ANAPC16: variants seen among roughly 807,000 people sequenced by gnomAD.
ANAPC16 encodes the protein anaphase-promoting complex subunit 16.
A neutral mutation model predicts 13.1 loss-of-function variants in ANAPC16; 6 were observed. The observed-to-expected ratio is 0.46, with a 90% CI of 0.25 to 0.90. The LOEUF (loss-of-function observed/expected upper bound fraction) is 0.90, where lower values mean the gene tolerates loss of function less well. ANAPC16 is among the 40% of genes least tolerant of loss of function. The pLI, the probability that ANAPC16 is intolerant of heterozygous loss-of-function variation, is 0.18. For missense variants in ANAPC16, 113 were observed against 131.1 expected (o/e 0.86, Z 0.67); for synonymous variants, 55 against 51.3 (o/e 1.07, Z -0.31).
chr10:72,219,798 T>C (rs758867992), intron 1 of ANAPC16, among the ~76,000 whole-genome samples: 9 of 152,232 alleles, frequency 5.9e-5, no homozygotes, highest in Non-Finnish European at 1.2e-4. Flanking sequence ...AGTCTAGTTA[T>C]AATAGCTGTT....
At chr10:72,216,957 A>G (rs754516582) in intron 1 of ANAPC16, 2 of 456,046 alleles carry the variant, frequency 4.4e-6, no homozygotes, top group Admixed American at 4.7e-5. Flanking sequence ...AAAGAAAAAA[A>G]TCCATAATGA....
At chr10:72,226,309 G>A (rs1385603809) in intron 2 of ANAPC16, among the ~76,000 whole-genome samples, 3 of 151,376 alleles carry the variant, frequency 2.0e-5, no homozygotes, top group Non-Finnish European at 2.9e-5. Context: ...ATGAACCACC[G>A]CACCTGGCCT....
intron 2 of ANAPC16, 128 bp downstream of exon 2, chr10:72,224,184 C>T (rs1860042417): frequency 9.1e-7 from 1 of 1,098,798 alleles, no homozygotes; most frequent in African/African-American, 1.6e-5. Flanking sequence ...TTCTTGTCCC[C>T]ATCTCAAAAT....
intron 2 of ANAPC16, among the ~76,000 whole-genome samples, chr10:72,225,050 A>G (rs1256777942): frequency 3.3e-5 from 5 of 152,080 alleles, no homozygotes; most frequent in African/African-American, 1.2e-4. Context: ...TTGGGAGGCC[A>G]AGGCGGGTGG....
chr10:72,226,797 C>G (rs970310925), intron 2 of ANAPC16, among the ~76,000 whole-genome samples: 1 of 152,138 alleles, frequency 6.6e-6, no homozygotes, highest in African/African-American at 2.4e-5. Flanking sequence ...CGGGGGGACT[C>G]TGGGACCATA....
In ANAPC16 at chr10:72,227,034, G is replaced by A. The variant is rs374651409; in HGVS notation, c.142+2978G>A. ...TATATTATGACTTCATTTATATGCA[G>A]CAAAGACCTAGTATTAAGGAAGTTT... On this transcript the variant is annotated intron_variant, in intron 2 of 3. Transcript: ENST00000299381. Among the ~76,000 whole-genome samples, 19 of 152,274 alleles carry A rather than the reference G, an allele frequency of 1.2e-4. No individual in the cohort carries two copies. The East Asian group carries it at 1.7e-3, about 14-fold the overall frequency.
At chr10:72,226,747 G>A (rs1401621080) in intron 2 of ANAPC16, among the ~76,000 whole-genome samples, 1 of 152,026 alleles carries the variant, frequency 6.6e-6, no homozygotes, top group Non-Finnish European at 1.5e-5. Flanking sequence ...AATAAAAAGA[G>A]TTACGGGTTA....
At chr10:72,231,889 TAA>T (rs369260827) in intron 3 of ANAPC16, among the ~76,000 whole-genome samples, 6 of 140,968 alleles carry the variant, frequency 4.3e-5, no homozygotes, top group East Asian at 4.1e-4. Flanking sequence ...ACTTCCAACT[TAA>T]AAAAAAAAAA....
intron 1 of ANAPC16, chr10:72,220,846 G>C (rs1177745699): frequency 6.8e-6 from 1 of 147,446 alleles, no homozygotes; most frequent in Non-Finnish European, 1.5e-5. Context: ...CACGTGACTG[G>C]CCAGAAAAAA....
intron 1 of ANAPC16, among the ~76,000 whole-genome samples, chr10:72,222,181 A>G (rs1245933400): frequency 1.3e-5 from 2 of 151,306 alleles, no homozygotes; most frequent in East Asian, 4.0e-4. Context: ...GCACTTTGGG[A>G]GGCCGAGGCA....
intron 2 of ANAPC16, among the ~76,000 whole-genome samples, chr10:72,229,956 A>G (rs569471011): frequency 1.3e-5 from 2 of 152,270 alleles, no homozygotes; most frequent in Admixed American, 1.3e-4. Flanking sequence ...TAGACTGAAA[A>G]TGATTTGGAG....
chr10:72,222,500 G>A (rs1859978876), intron 1 of ANAPC16, among the ~76,000 whole-genome samples: 1 of 133,490 alleles, frequency 7.5e-6, no homozygotes. Context: ...AAAGAGGCCA[G>A]GCGCAGTGGC....
rs1860416367 is a variant in ANAPC16 at position 72,234,503 on chromosome 10, C to T, written c.*1387C>T. The T allele has an allele frequency of 2.0e-5, 3 of 152,166 alleles. No homozygotes were observed. Among genetic ancestry groups the T allele is most frequent in the Admixed American group, 2.0e-4 (3 of 15,262 alleles). 9.4% of individuals were successfully genotyped at this position (152,166 alleles called of 1,614,324 possible). A position where few individuals can be genotyped will look rare whatever the true frequency, so the allele number is the denominator to read the frequency against. On this transcript the variant is annotated 3_prime_UTR_variant, in exon 4 of 4. Coordinates refer to ENST00000299381, the MANE Select transcript of ANAPC16 (RefSeq NM_173473.4). Reference sequence around the variant, plus strand: ...GGCTAAGAGATGTGCTGTTTTCCTTCATGGGACCCCACTTTCCACAGTAAA... The same window carrying T: ...GGCTAAGAGATGTGCTGTTTTCCTTTATGGGACCCCACTTTCCACAGTAAA...
chr10:72,231,433 G>A (rs1049024998), intron 3 of ANAPC16, among the ~76,000 whole-genome samples: 10 of 152,006 alleles, frequency 6.6e-5, no homozygotes, highest in Admixed American at 2.6e-4. Context: ...TCCCAGCTAC[G>A]TGGGAGGCTG....
intron 3 of ANAPC16, among the ~76,000 whole-genome samples, chr10:72,231,366 C>A (rs1860296218): frequency 6.6e-6 from 1 of 151,852 alleles, no homozygotes; most frequent in African/African-American, 2.4e-5. Flanking sequence ...GGTGAAACCC[C>A]ATATCTAAAA....
At chr10:72,226,034 G>A (rs75764980) in intron 2 of ANAPC16, among the ~76,000 whole-genome samples, 1 of 91,122 alleles carries the variant, frequency 1.1e-5, no homozygotes, top group Non-Finnish European at 2.2e-5. Context: ...TTTTTTTTTT[G>A]AGACAGAGTC....
chr10:72,229,740 C>T lies in ANAPC16; in HGVS notation c.143-626C>T, dbSNP rs1326003614. Among the ~76,000 whole-genome samples the T allele has an allele frequency of 2.0e-5, 3 of 152,134 alleles. 1 individual carries two copies. The highest frequency in any genetic ancestry group is 2.0e-4 in the Admixed American group (3 of 15,260). On this transcript the variant is annotated intron_variant, in intron 2 of 3. Transcript: ENST00000299381. The stretch of plus-strand genomic sequence containing the variant: ...AACTGAGTTGGCCACTTCTTGTTGG[C>T]AGTTCTTGGCACCAGTACAATTCTA...
intron 1 of ANAPC16, among the ~76,000 whole-genome samples, chr10:72,218,166 ATATATATATATATATATAT>A (rs1416401792): frequency 0.05 from 1,016 of 20,336 alleles, 85 homozygotes; most frequent in Middle Eastern, 0.091. Flanking sequence ...AAAAAAAAAA[ATATATATATATATATATAT>A]ATATATATAT....
chr10:72,216,870 A>C (rs1042227671), intron 1 of ANAPC16: 2 of 456,020 alleles, frequency 4.4e-6, no homozygotes, highest in Admixed American at 2.4e-5. Context: ...TTGTTTGACA[A>C]AATTTTACTG....
Sources: gnomAD v4.1 joint callset for allele counts (sites outside exome capture counted in the v4.1 genomes callset) on GRCh38, gnomAD v4.1.1 for gene constraint, MANE v1.5 for transcripts, NCBI Gene and HGNC (gene_info 2026-07-23, HGNC 2026-07-21) for gene names.